Variants in THRB observed in about 807,000 individuals in gnomAD.
The protein encoded by THRB is thyroid hormone receptor beta, also known as nuclear receptor subfamily 1 group A member 2.
Under a neutral mutation model 47.8 loss-of-function variants are expected in THRB, and 12 were observed. The observed-to-expected ratio is 0.25, with a 90% CI of 0.16 to 0.41. The LOEUF (loss-of-function observed/expected upper bound fraction) is 0.41, where lower values mean the gene tolerates loss of function less well. Ranked by LOEUF, THRB falls within the 10% of genes least tolerant of loss-of-function variation. THRB has a pLI of 1.00. For missense variants in THRB, 348 were observed against 589.2 expected (o/e 0.59, Z 4.24); for synonymous variants, 218 against 212.2 (o/e 1.03, Z -0.24).
intron 5 of THRB, among the ~76,000 whole-genome samples, chr3:24,180,349 C>T (rs1021137300): frequency 1.3e-5 from 2 of 152,152 alleles, no homozygotes; most frequent in Admixed American, 6.5e-5. Flanking sequence ...ACCATCAACC[C>T]ACACATGATA....
intron 3 of THRB, among the ~76,000 whole-genome samples, chr3:24,277,065 T>C (rs1373803254): frequency 1.3e-5 from 2 of 152,220 alleles, no homozygotes; most frequent in African/African-American, 4.8e-5. Context: ...GCAAATATCT[T>C]ACACTGGTAA....
At chr3:24,297,906 A>G in intron 2 of THRB, among the ~76,000 whole-genome samples, 1 of 152,198 alleles carries the variant, frequency 6.6e-6, no homozygotes, top group East Asian at 1.9e-4. Flanking sequence ...TAGACTTCAG[A>G]GCAGTGGCTC....
chr3:24,436,754 C>T (rs183224714), intron 1 of THRB, among the ~76,000 whole-genome samples: 2 of 152,228 alleles, frequency 1.3e-5, no homozygotes, highest in African/African-American at 4.8e-5. Context: ...ACCACCTGGG[C>T]CAAGCTTCTT....
intron 3 of THRB, among the ~76,000 whole-genome samples, chr3:24,250,386 C>T (rs1023716902): frequency 5.3e-5 from 8 of 152,250 alleles, no homozygotes; most frequent in African/African-American, 1.9e-4. Context: ...CATTATGCTC[C>T]AAGTAACATA....
intron 1 of THRB, among the ~76,000 whole-genome samples, chr3:24,464,697 ATTTG>A (rs1397433599): frequency 3.3e-5 from 5 of 151,814 alleles, no homozygotes; most frequent in Admixed American, 6.6e-5. Flanking sequence ...CTTTTTTTGT[ATTTG>A]TTTCTTTCCT....
chr3:24,244,197 T>A (rs373560777), intron 3 of THRB, among the ~76,000 whole-genome samples: 9 of 152,258 alleles, frequency 5.9e-5, no homozygotes, highest in African/African-American at 2.2e-4. Flanking sequence ...TAAATGGCTG[T>A]AAATACACCA....
intron 1 of THRB, among the ~76,000 whole-genome samples, chr3:24,339,417 G>A (rs1039524345): frequency 3.9e-5 from 6 of 152,090 alleles, no homozygotes; most frequent in African/African-American, 1.4e-4. Context: ...GAGGAGAAGA[G>A]TTAAGCATTT....
At chr3:24,153,712 C>T (rs2037367713) in intron 5 of THRB, among the ~76,000 whole-genome samples, 1 of 152,042 alleles carries the variant, frequency 6.6e-6, no homozygotes, top group South Asian at 2.1e-4. Flanking sequence ...AATGGTTTAC[C>T]ATTGATAAAT....
chr3:24,336,686 G>A (rs1002561438), intron 2 of THRB, among the ~76,000 whole-genome samples: 13 of 151,282 alleles, frequency 8.6e-5, no homozygotes, highest in African/African-American at 2.9e-4. Flanking sequence ...TACCCTATCT[G>A]ACTCGCTGGA....
At chr3:24,483,018 T>C (rs1696713314) in intron 1 of THRB, among the ~76,000 whole-genome samples, 1 of 152,200 alleles carries the variant, frequency 6.6e-6, no homozygotes, top group Non-Finnish European at 1.5e-5. Context: ...GTCTTATTTC[T>C]TAATAATCTA....
chr3:24,309,377 A>G (rs904533000), intron 2 of THRB, among the ~76,000 whole-genome samples: 2 of 152,200 alleles, frequency 1.3e-5, no homozygotes, highest in Admixed American at 1.3e-4. Flanking sequence ...ACAATCACAA[A>G]AGCTGTTTGT....
rs75272640 is a variant in THRB at position 24,117,200 on chromosome 3, C to T, written c.*5684G>A. The stretch of plus-strand genomic sequence containing the variant: ...GGTTCATGTCCTGGCCAAATAAAAA[C>T]TTGGAGATGAGCTTCCTCTGTGTGA... On this transcript the variant is annotated 3_prime_UTR_variant, in exon 11 of 11. Transcript: ENST00000646209. 0.14 allele frequency: 20,845 copies of T among 152,190 alleles called. 1,542 individuals are homozygous for T. The highest frequency in any genetic ancestry group is 0.22 in the South Asian group (1,054 of 4,822). 9.4% of individuals were successfully genotyped at this position (152,190 alleles called of 1,614,324 possible).
intron 2 of THRB, among the ~76,000 whole-genome samples, chr3:24,316,810 C>T (rs1293982795): frequency 6.6e-6 from 1 of 152,140 alleles, no homozygotes; most frequent in Non-Finnish European, 1.5e-5. Flanking sequence ...CACCTTAAAA[C>T]ATCCTCCACC....
intron 1 of THRB, among the ~76,000 whole-genome samples, chr3:24,424,016 T>C (rs1234825822): frequency 1.3e-5 from 2 of 151,940 alleles, no homozygotes; most frequent in Non-Finnish European, 2.9e-5. Flanking sequence ...AAAGCATTTA[T>C]AGTTCAGTTA....
At chr3:24,155,281 G>C (rs896940225) in intron 5 of THRB, among the ~76,000 whole-genome samples, 3 of 152,116 alleles carry the variant, frequency 2.0e-5, no homozygotes, top group African/African-American at 7.2e-5. Context: ...CATGGGTGGA[G>C]GTGATTAAAT....
At chr3:24,353,650 T>C (rs2063494967) in intron 1 of THRB, among the ~76,000 whole-genome samples, 2 of 152,132 alleles carry the variant, frequency 1.3e-5, no homozygotes, top group African/African-American at 4.8e-5. Context: ...ATCTGTTTTA[T>C]CATTTATTTC....
At chr3:24,252,164 A>G (rs554410073) in intron 3 of THRB, among the ~76,000 whole-genome samples, 121 of 152,248 alleles carry the variant, frequency 7.9e-4, no homozygotes, top group African/African-American at 2.8e-3. Context: ...GTTATCCTGT[A>G]AGAATATTAA....
At chr3:24,454,855 C>T (rs2073016587) in intron 1 of THRB, among the ~76,000 whole-genome samples, 1 of 152,094 alleles carries the variant, frequency 6.6e-6, no homozygotes, top group Non-Finnish European at 1.5e-5. Flanking sequence ...AACATCCTTT[C>T]CACGATCACA....
intron 1 of THRB, among the ~76,000 whole-genome samples, chr3:24,354,441 T>C (rs2063545485): frequency 6.6e-6 from 1 of 152,184 alleles, no homozygotes; most frequent in African/African-American, 2.4e-5. Flanking sequence ...ATGTTTACTT[T>C]GGAAGAACAC....
Sources: allele counts gnomAD v4.1 joint callset (sites outside exome capture counted in the v4.1 genomes callset), GRCh38; gene constraint gnomAD v4.1.1; transcripts MANE v1.5; gene names NCBI Gene and HGNC (gene_info 2026-07-23, HGNC 2026-07-21).